GHR: variants seen among roughly 807,000 people sequenced by gnomAD.
The protein encoded by GHR is growth hormone receptor.
Under a neutral mutation model 67.1 loss-of-function variants are expected in GHR, and 35 were observed. The ratio of observed to expected loss-of-function variants is 0.52; its 90% CI spans 0.40 to 0.69. The LOEUF is 0.69. Among genes scored for constraint, GHR ranks in the 30% least tolerant of loss-of-function variants. The pLI, the probability that GHR is intolerant of heterozygous loss-of-function variation, is 0.00. For synonymous variants in GHR, 272 were observed against 269.1 expected (o/e 1.01, Z -0.10); for missense variants, 792 against 764.6 (o/e 1.04, Z -0.42).
intron 2 of GHR, among the ~76,000 whole-genome samples, chr5:42,624,009 G>A (rs189890740): frequency 6.7e-4 from 102 of 152,242 alleles, no homozygotes; most frequent in African/African-American, 2.2e-3. Context: ...CTAAGCCAGC[G>A]CAGTTTTGTT....
chr5:42,562,800 G>A (rs185328339), intron 1 of GHR, among the ~76,000 whole-genome samples: 1 of 151,830 alleles, frequency 6.6e-6, no homozygotes, highest in East Asian at 2.0e-4. Context: ...ACAGGCATGC[G>A]CTGCCATGCC....
intron 2 of GHR, among the ~76,000 whole-genome samples, chr5:42,627,926 T>C (rs4357041): frequency 0.32 from 47,962 of 151,902 alleles, 8,223 homozygotes; most frequent in African/African-American, 0.46. Context: ...GCTCGAAGGA[T>C]GAGTGCAAGG....
chr5:42,631,149 C>T (rs1465043462), intron 3 of GHR, among the ~76,000 whole-genome samples: 1 of 152,088 alleles, frequency 6.6e-6, no homozygotes, highest in African/African-American at 2.4e-5. Context: ...GTCTAAGAAG[C>T]GTAAACATTG....
intron 3 of GHR, among the ~76,000 whole-genome samples, chr5:42,674,187 A>G (rs1363420611): frequency 1.3e-5 from 2 of 152,142 alleles, no homozygotes; most frequent in Non-Finnish European, 2.9e-5. Context: ...GTGAGTTACA[A>G]ATTCCTGTTT....
chr5:42,447,547 T>C (rs552720094), intron 1 of GHR, among the ~76,000 whole-genome samples: 1 of 152,256 alleles, frequency 6.6e-6, no homozygotes, highest in South Asian at 2.1e-4. Context: ...TTAGGCTTGT[T>C]CCATATTTTT....
intron 3 of GHR, among the ~76,000 whole-genome samples, chr5:42,684,287 G>A (rs76687095): frequency 1.1e-4 from 16 of 152,174 alleles, no homozygotes; most frequent in African/African-American, 2.7e-4. Context: ...GAAGGTCAAC[G>A]TTAAATAGTG....
intron 2 of GHR, among the ~76,000 whole-genome samples, chr5:42,588,333 C>T (rs1751591966): frequency 6.6e-6 from 1 of 151,806 alleles, no homozygotes. Context: ...TCCTGGCTAA[C>T]ACAGTGAAAC....
intron 1 of GHR, among the ~76,000 whole-genome samples, chr5:42,459,883 A>T (rs1321436722): frequency 6.6e-6 from 1 of 152,126 alleles, no homozygotes; most frequent in Non-Finnish European, 1.5e-5. Flanking sequence ...GGCTTTAGAC[A>T]CCATGGTTCA....
intron 5 of GHR, among the ~76,000 whole-genome samples, chr5:42,696,555 A>G (rs1757683274): frequency 6.6e-6 from 1 of 152,194 alleles, no homozygotes; most frequent in African/African-American, 2.4e-5. Flanking sequence ...TCCAACAGTA[A>G]CTTAGTAGTT....
At chr5:42,592,094 A>C (rs1751811517) in intron 2 of GHR, among the ~76,000 whole-genome samples, 1 of 152,056 alleles carries the variant, frequency 6.6e-6, no homozygotes, top group Admixed American at 6.6e-5. Flanking sequence ...CAGTTCCTTC[A>C]AAGGGTCTGT....
At chr5:42,430,506 CT>C (rs1743045492) in intron 1 of GHR, among the ~76,000 whole-genome samples, 1 of 152,080 alleles carries the variant, frequency 6.6e-6, no homozygotes, top group South Asian at 2.1e-4. Context: ...GTGATATAAA[CT>C]GACATCTGAG....
intron 8 of GHR, among the ~76,000 whole-genome samples, chr5:42,714,464 T>A (rs1357692349): frequency 6.6e-6 from 1 of 152,228 alleles, no homozygotes; most frequent in Non-Finnish European, 1.5e-5. Flanking sequence ...TAAAAGATTT[T>A]ACTTTGTTTT....
At chr5:42,672,126 C>A (rs976082253) in intron 3 of GHR, among the ~76,000 whole-genome samples, 31 of 152,096 alleles carry the variant, frequency 2.0e-4, no homozygotes, top group African/African-American at 6.7e-4. Context: ...CATGACAGTA[C>A]TTGAAGTGCT....
In GHR at chr5:42,711,311, C is replaced by A. The variant is rs1260870046; in HGVS notation, c.723C>A (p.Gly241=). 6.2e-7 allele frequency: 1 copy of A among 1,612,326 alleles called. No homozygotes were observed. Among genetic ancestry groups the A allele is most frequent in the Non-Finnish European group, 8.5e-7 (1 of 1,178,470 alleles). ...RSKQRNSGNY[G]EFSEVLYVTL... is the part of the protein sequence containing the mutation. Reference sequence around the variant, plus strand: ...AACAACGAAACTCTGGAAATTATGGCGAGTTCAGTGAGGTGCTCTATGTAA... The same window carrying A: ...AACAACGAAACTCTGGAAATTATGGAGAGTTCAGTGAGGTGCTCTATGTAA... Residue 241 remains glycine (G), a synonymous_variant, in exon 7 of 10, where the codon GGC becomes GGA. Transcript: ENST00000230882.
At chr5:42,533,061 T>A (rs1300281208) in intron 1 of GHR, among the ~76,000 whole-genome samples, 1 of 152,156 alleles carries the variant, frequency 6.6e-6, no homozygotes, top group Non-Finnish European at 1.5e-5. Context: ...CAGCAATGAA[T>A]GAGAACTTTG....
chr5:42,512,437 T>G (rs1747056494), intron 1 of GHR, among the ~76,000 whole-genome samples: 1 of 152,136 alleles, frequency 6.6e-6, no homozygotes, highest in Admixed American at 6.6e-5. Flanking sequence ...TCGATCCAAC[T>G]ATACAGCTAT....
intron 3 of GHR, among the ~76,000 whole-genome samples, chr5:42,632,767 C>CA (rs1189041018): frequency 6.6e-6 from 1 of 152,156 alleles, no homozygotes; most frequent in Non-Finnish European, 1.5e-5. Flanking sequence ...GGCAAAAACA[C>CA]AGACTTAGGA....
intron 1 of GHR, among the ~76,000 whole-genome samples, chr5:42,471,198 T>G (rs1456360737): frequency 2.0e-5 from 3 of 152,194 alleles, no homozygotes; most frequent in Non-Finnish European, 4.4e-5. Context: ...CTTTTTTGAT[T>G]TGCTCTTGTT....
intron 6 of GHR, among the ~76,000 whole-genome samples, chr5:42,700,950 T>C (rs973160536): frequency 2.6e-5 from 4 of 152,186 alleles, no homozygotes; most frequent in Admixed American, 6.5e-5. Flanking sequence ...AAATGCCTGA[T>C]TGGATGCTAA....
Sources: gnomAD v4.1 joint callset for allele counts (sites outside exome capture counted in the v4.1 genomes callset) on GRCh38, gnomAD v4.1.1 for gene constraint, MANE v1.5 for transcripts, NCBI Gene and HGNC (gene_info 2026-07-23, HGNC 2026-07-21) for gene names.